CEP126: variants seen among roughly 807,000 people sequenced by gnomAD.
CEP126 encodes the protein centrosomal protein of 126 kDa.
A neutral mutation model predicts 107.8 loss-of-function variants in CEP126; 74 were observed. That is an observed-to-expected ratio of 0.69 (90% CI 0.57 to 0.83). The LOEUF (loss-of-function observed/expected upper bound fraction) is 0.83. CEP126 is among the 40% of genes least tolerant of loss of function. CEP126 has a pLI of 0.00. For synonymous variants in CEP126, 449 were observed against 446.0 expected, an observed-to-expected ratio of 1.01 and a Z score of -0.08; for missense variants, 1,237 against 1,281.9, an observed-to-expected ratio of 0.96 and a Z score of 0.53.
intron 4 of CEP126, among the ~76,000 whole-genome samples, chr11:101,950,353 A>T (rs1261536284): frequency 6.6e-6 from 1 of 152,202 alleles, no homozygotes; most frequent in Non-Finnish European, 1.5e-5. Context: ...AAAAGATCTT[A>T]TGATGTTTAA....
chr11:101,943,340 A>G (rs908376133), intron 2 of CEP126, among the ~76,000 whole-genome samples: 1 of 152,040 alleles, frequency 6.6e-6, no homozygotes, highest in Non-Finnish European at 1.5e-5. Context: ...TATTTAGAGT[A>G]GAATAATGTT....
At position 101,962,931 on chromosome 11, in the gene CEP126, G is replaced by A. The variant is rs1941000510; in HGVS notation, c.1896G>A (p.Trp632Ter). Residue 632 changes from tryptophan to a stop codon, truncating the protein, a stop_gained, in exon 6 of 11, where the codon TGG (tryptophan) becomes TGA (stop). Transcript: ENST00000263468. LOFTEE classifies it high-confidence loss of function. ...EIPKTIKKLR[W>*]FDETSNIENN... is the part of the protein sequence containing the mutation. Reference sequence around the variant, plus strand: ...CAAAGACCATTAAAAAACTGAGGTGGTTTGATGAAACTAGCAATATAGAAA... The same window carrying A: ...CAAAGACCATTAAAAAACTGAGGTGATTTGATGAAACTAGCAATATAGAAA... The A allele has an allele frequency of 6.2e-7, 1 of 1,609,836 alleles. No individual in the cohort carries two copies. Among genetic ancestry groups the A allele is most frequent in the Non-Finnish European group, 8.5e-7 (1 of 1,179,050 alleles).
chr11:101,983,502 G>T (rs931861916), intron 8 of CEP126, among the ~76,000 whole-genome samples: 1 of 152,188 alleles, frequency 6.6e-6, no homozygotes, highest in Non-Finnish European at 1.5e-5. Flanking sequence ...GATCTATCAT[G>T]ATGAACTGAA....
rs1023174279 is a variant in CEP126, at chr11:102,000,799, G to C, written c.*3156G>C. ...CCGAGAGGCAGGGCAACTAATAACT[G>C]GTCAGAAAAATTTAGACGGTCTTCA... On this transcript the variant is annotated 3_prime_UTR_variant, in exon 11 of 11. Coordinates refer to ENST00000263468, the MANE Select transcript of CEP126 (RefSeq NM_020802.4). The C allele has an allele frequency of 3.9e-5, 6 of 152,010 alleles. No homozygotes were observed. The highest frequency in any genetic ancestry group is 7.4e-5 in the Non-Finnish European group (5 of 67,984). The allele number at this position is 152,010 out of a possible 1,614,324, so 9.4% of individuals were successfully genotyped here. A position where few individuals can be genotyped will look rare whatever the true frequency, so the allele number is the denominator to read the frequency against.
intron 5 of CEP126, among the ~76,000 whole-genome samples, chr11:101,961,122 T>C (rs1466985889): frequency 6.6e-6 from 1 of 151,976 alleles, no homozygotes; most frequent in Non-Finnish European, 1.5e-5. Flanking sequence ...CATATGAAAA[T>C]TACCTGGGGA....
At chr11:101,938,169 A>AAAAAAAAAAAAAAAC (rs1565353082) in intron 2 of CEP126, among the ~76,000 whole-genome samples, 2 of 143,936 alleles carry the variant, frequency 1.4e-5, no homozygotes, top group African/African-American at 5.1e-5. Flanking sequence ...CAAAAAAAAA[A>AAAAAAAAAAAAAAAC]AAAAAAATAC....
rs778171900 is a variant in CEP126 at position 101,963,744 on chromosome 11, G to A, written c.2709G>A (p.Ala903=). ...CTCAAGCAGTTGCCCGGCAAGATGC[G>A]ACATTATATTGCACCCAAAGAAGTC... ...NGTQAVARQD[A]TLYCTQRSPV... Residue 903 remains alanine, a synonymous_variant, in exon 6 of 11, where the codon GCG becomes GCA. Transcript: ENST00000263468. 18 of 1,613,860 alleles carry A rather than the reference G, an allele frequency of 1.1e-5. No individual in the cohort carries two copies. The highest frequency in any genetic ancestry group is 1.6e-4 in the Middle Eastern group (1 of 6,084).
At chr11:101,944,198 G>A (rs944462541) in intron 2 of CEP126, 67 bp from the exon 3 acceptor site, 37 of 1,351,144 alleles carry the variant, frequency 2.7e-5, no homozygotes, top group South Asian at 9.4e-5. Context: ...TAATAAATGC[G>A]TCATTTTGAA....
At chr11:101,967,584 T>A (rs1941072707) in intron 6 of CEP126, among the ~76,000 whole-genome samples, 1 of 152,166 alleles carries the variant, frequency 6.6e-6, no homozygotes, top group African/African-American at 2.4e-5. Context: ...TCCTTAGAAA[T>A]AATTATTTCA....
At position 101,963,370 on chromosome 11, in the gene CEP126, A is replaced by G. The variant is rs371879169; in HGVS notation, c.2335A>G (p.Ile779Val). 1.2e-5 allele frequency: 20 copies of G among 1,614,060 alleles called. No homozygotes were observed. The highest frequency in any genetic ancestry group is 9.3e-5 in the African/African-American group (7 of 74,934). Residue 779 changes from isoleucine (I) to valine (V), a missense_variant, in exon 6 of 11, where the codon ATT (isoleucine) becomes GTT (valine). Coordinates refer to ENST00000263468, the MANE Select transcript of CEP126 (RefSeq NM_020802.4). ...FICTNRKGAV[I>V]QPQSASKVNI... Reference sequence around the variant, plus strand: ...ATGTACAAACAGAAAAGGCGCTGTCATTCAACCACAGTCTGCAAGCAAAGT... The same window carrying G: ...ATGTACAAACAGAAAAGGCGCTGTCGTTCAACCACAGTCTGCAAGCAAAGT...
chr11:101,930,933 C>T (rs192149659), intron 2 of CEP126, among the ~76,000 whole-genome samples: 15 of 152,198 alleles, frequency 9.9e-5, no homozygotes, highest in South Asian at 2.1e-4. Flanking sequence ...TTGTACTTAG[C>T]GGGAGAAATA....
intron 6 of CEP126, among the ~76,000 whole-genome samples, chr11:101,972,922 T>C (rs1401376216): frequency 6.6e-6 from 1 of 152,238 alleles, no homozygotes; most frequent in African/African-American, 2.4e-5. Flanking sequence ...GGAATTATTT[T>C]ATCTGTGTTC....
chr11:101,996,531 T>C (rs11225100), intron 10 of CEP126, among the ~76,000 whole-genome samples: 8,935 of 152,286 alleles, frequency 0.059, 487 homozygotes, highest in East Asian at 0.27. Flanking sequence ...ATTCTTATAA[T>C]GGCTTTGTTT....
Position 101,944,330 on chromosome 11 carries a change from A to G in CEP126, c.314A>G (p.Gln105Arg), listed in dbSNP as rs1266080207. ...KEHQIREQIL[Q>R]QRKQKFEEVT... Reference sequence around the variant, plus strand: ...CACCAAATTAGAGAACAAATACTTCAACAAAGAAAACAGAAGTTTGAAGAA... The same window carrying G: ...CACCAAATTAGAGAACAAATACTTCGACAAAGAAAACAGAAGTTTGAAGAA... The change falls in exon 3 of 11, where the codon CAA becomes CGA. Residue 105 changes from glutamine (Q) to arginine (R), a missense_variant. Physicochemically the swap from Gln to Arg is conservative, Grantham distance 43. Around this residue, in one of 3 missense-constraint regions of CEP126, gnomAD observed 1,134 missense variants for 1,150.5 expected, o/e 0.99. Transcript: ENST00000263468. 1.2e-6 allele frequency: 2 copies of G among 1,611,882 alleles called. No homozygotes were observed.
intron 2 of CEP126, among the ~76,000 whole-genome samples, chr11:101,935,096 T>C (rs1187025854): frequency 6.6e-6 from 1 of 151,926 alleles, no homozygotes; most frequent in Admixed American, 6.6e-5. Context: ...TAAGAATAAA[T>C]TGAGTTTAGT....
At chr11:101,930,574 G>T (rs1475459367) in intron 2 of CEP126, among the ~76,000 whole-genome samples, 1 of 152,130 alleles carries the variant, frequency 6.6e-6, no homozygotes, top group Non-Finnish European at 1.5e-5. Context: ...CATGGAACAG[G>T]ACCCCAACGG....
chr11:101,929,301 A>G (rs1462099409), intron 2 of CEP126, among the ~76,000 whole-genome samples: 2 of 152,182 alleles, frequency 1.3e-5, no homozygotes, highest in Non-Finnish European at 2.9e-5. Flanking sequence ...AAACCCAAAC[A>G]TTTTCATACT....
chr11:101,969,600 A>G (rs1470182513), intron 6 of CEP126, among the ~76,000 whole-genome samples: 1 of 152,232 alleles, frequency 6.6e-6, no homozygotes, highest in Non-Finnish European at 1.5e-5. Context: ...CAAAGTTCCA[A>G]TAGGATTTTT....
intron 2 of CEP126, among the ~76,000 whole-genome samples, chr11:101,925,617 A>C (rs932348198): frequency 1.3e-5 from 2 of 148,620 alleles, no homozygotes; most frequent in African/African-American, 5.0e-5. Context: ...AAAAATACAA[A>C]AACTAGCCAG....
Sources: allele counts gnomAD v4.1 joint callset (sites outside exome capture counted in the v4.1 genomes callset), GRCh38; gene constraint gnomAD v4.1.1; regional missense constraint gnomAD v4.1.1; transcripts MANE v1.5; gene names NCBI Gene and HGNC (gene_info 2026-07-23, HGNC 2026-07-21).